The following COP1 variants were observed in gnomAD, a reference collection of about 807,000 sequenced individuals.
COP1 encodes COP1 E3 ubiquitin ligase.
COP1 carries 24 observed loss-of-function variants against 101.3 expected under a neutral mutation model. That is an observed-to-expected ratio of 0.24 (90% confidence interval 0.17 to 0.33). COP1 has a LOEUF of 0.33. Ranked by LOEUF, COP1 falls within the 10% of genes least tolerant of loss-of-function variation. The pLI is 1.00. For missense variants in COP1, 663 were observed against 906.2 expected (o/e 0.73, Z 3.45); for synonymous variants, 347 against 341.9 (o/e 1.01, Z -0.17).
At chr1:176,191,023 CACTTTCGTGTTTTGAT>C (rs938655791) in intron 1 of COP1, among the ~76,000 whole-genome samples, 2 of 152,004 alleles carry the variant, frequency 1.3e-5, no homozygotes, top group African/African-American at 4.8e-5. Flanking sequence ...ACTGCAGAAA[CACTTTCGTGTTTTGAT>C]ACCAAATGCC....
chr1:176,005,936 G>A (rs1238975575), intron 15 of COP1, among the ~76,000 whole-genome samples: 1 of 152,132 alleles, frequency 6.6e-6, no homozygotes, highest in Non-Finnish European at 1.5e-5. Context: ...TCTGTCTAAT[G>A]TTGACAGTGG....
intron 8 of COP1, chr1:176,133,832 C>T (rs920852919): frequency 2.2e-6 from 1 of 450,864 alleles, no homozygotes; most frequent in Non-Finnish European, 4.4e-6. Context: ...CTTTTTCTTC[C>T]CTGTATGTAC....
In COP1 at chr1:176,037,036, T is replaced by C. The variant is rs559164311; in HGVS notation, c.1612+6150A>G. ...AAATCTACTAAGGAAATTAAATTCT[T>C]AGTTAAAACCTTCAAACAAAGAAAA... On this transcript the variant is annotated intron_variant, in intron 14 of 19. Transcript: ENST00000367669. Among the ~76,000 whole-genome samples the C allele has an allele frequency of 2.1e-4, 32 of 152,316 alleles. 1 individual carries two copies. The South Asian group carries it at 5.8e-3, about 28-fold the overall frequency.
chr1:175,946,876 C>A (rs540022876), intron 19 of COP1, among the ~76,000 whole-genome samples: 15 of 152,186 alleles, frequency 9.9e-5, no homozygotes, highest in Admixed American at 2.6e-4. Flanking sequence ...CTACTGAAAG[C>A]CCTGTGGGAG....
intron 15 of COP1, among the ~76,000 whole-genome samples, chr1:176,019,181 A>C: frequency 7.3e-6 from 1 of 136,064 alleles, no homozygotes; most frequent in Admixed American, 7.5e-5. Context: ...AAAATAAATC[A>C]TGGCCGGGTG....
chr1:176,102,287 C>T (rs909698501), intron 9 of COP1, among the ~76,000 whole-genome samples: 32 of 152,278 alleles, frequency 2.1e-4, no homozygotes, highest in African/African-American at 7.2e-4. Context: ...CAATAAATTA[C>T]GTTTTCCTCA....
At chr1:175,991,119 A>C (rs542310555) in intron 15 of COP1, among the ~76,000 whole-genome samples, 10 of 152,254 alleles carry the variant, frequency 6.6e-5, no homozygotes, top group African/African-American at 2.2e-4. Flanking sequence ...CAGTAAGTAC[A>C]ATAATACATA....
At chr1:176,089,775 T>C (rs1680944710) in intron 9 of COP1, among the ~76,000 whole-genome samples, 3 of 152,358 alleles carry the variant, frequency 2.0e-5, no homozygotes, top group South Asian at 4.1e-4. Flanking sequence ...CTTAACCCTA[T>C]ATAATCTCTC....
At chr1:176,119,945 G>C (rs752090313) in intron 8 of COP1, among the ~76,000 whole-genome samples, 1 of 152,098 alleles carries the variant, frequency 6.6e-6, no homozygotes, top group Non-Finnish European at 1.5e-5. Context: ...AAATAGCAGA[G>C]TTATTATTCA....
intron 1 of COP1, among the ~76,000 whole-genome samples, chr1:176,186,687 C>T (rs1029266667): frequency 4.6e-5 from 7 of 152,162 alleles, no homozygotes; most frequent in African/African-American, 1.4e-4. Flanking sequence ...CCAGATCATT[C>T]TACCTGCTAT....
chr1:176,077,304 A>C (rs1419090055), intron 11 of COP1, among the ~76,000 whole-genome samples: 2 of 152,182 alleles, frequency 1.3e-5, no homozygotes, highest in Non-Finnish European at 2.9e-5. Flanking sequence ...AATTTGCCAC[A>C]ATCAAGTATG....
At chr1:175,954,312 A>AG (rs1650335296) in intron 18 of COP1, among the ~76,000 whole-genome samples, 1 of 152,188 alleles carries the variant, frequency 6.6e-6, no homozygotes, top group Non-Finnish European at 1.5e-5. Flanking sequence ...AATACTTATT[A>AG]GTAAAGCAGG....
At chr1:176,065,673 C>T (rs1350046590) in intron 11 of COP1, among the ~76,000 whole-genome samples, 1 of 150,918 alleles carries the variant, frequency 6.6e-6, no homozygotes, top group East Asian at 1.9e-4. Context: ...GTTTCCCCCA[C>T]TCCACTTCCT....
At chr1:176,059,616 G>A (rs1461780556) in intron 11 of COP1, among the ~76,000 whole-genome samples, 1 of 151,966 alleles carries the variant, frequency 6.6e-6, no homozygotes, top group East Asian at 1.9e-4. Flanking sequence ...CTGAGTAGCT[G>A]AGATTATAGG....
chr1:176,030,700 C>T (rs1557960913), intron 14 of COP1, among the ~76,000 whole-genome samples: 1 of 152,010 alleles, frequency 6.6e-6, no homozygotes, highest in Admixed American at 6.6e-5. Context: ...AATAAAGATA[C>T]ACTAAATGAA....
At chr1:175,956,392 T>C (rs1041970031) in intron 18 of COP1, among the ~76,000 whole-genome samples, 1 of 151,714 alleles carries the variant, frequency 6.6e-6, no homozygotes, top group Non-Finnish European at 1.5e-5. Context: ...ATCTAAGACA[T>C]ACATGTAAAA....
chr1:175,948,759 C>T (rs908352800), intron 18 of COP1, among the ~76,000 whole-genome samples: 2 of 152,128 alleles, frequency 1.3e-5, no homozygotes, highest in Non-Finnish European at 2.9e-5. Flanking sequence ...AATTAGTCAG[C>T]AGCATCAAAG....
chr1:176,181,633 G>A (rs1188601459), intron 2 of COP1, among the ~76,000 whole-genome samples: 2 of 152,066 alleles, frequency 1.3e-5, no homozygotes, highest in East Asian at 1.9e-4. Flanking sequence ...ACAAGGTCAC[G>A]AGATCGAGAC....
intron 9 of COP1, among the ~76,000 whole-genome samples, chr1:176,098,317 G>C (rs1377499684): frequency 6.6e-6 from 1 of 152,164 alleles, no homozygotes; most frequent in Non-Finnish European, 1.5e-5. Flanking sequence ...GAAACTATTG[G>C]AAATAGATTT....
Sources: gnomAD v4.1 joint callset for allele counts (sites outside exome capture counted in the v4.1 genomes callset) on GRCh38, gnomAD v4.1.1 for gene constraint, MANE v1.5 for transcripts, NCBI Gene and HGNC (gene_info 2026-07-23, HGNC 2026-07-21) for gene names.